Variants in LINGO2 observed in about 807,000 individuals in gnomAD.
LINGO2 encodes the protein leucine-rich repeat and immunoglobulin-like domain-containing nogo receptor-interacting protein 2.
A neutral mutation model predicts 30.6 loss-of-function variants in LINGO2; 14 were observed. The ratio of observed to expected loss-of-function variants is 0.46; its 90% CI spans 0.30 to 0.72. The LOEUF (loss-of-function observed/expected upper bound fraction) is 0.72. Among genes scored for constraint, LINGO2 ranks in the 30% least tolerant of loss-of-function variants. The pLI is 0.07. For missense variants in LINGO2, 729 were observed against 751.7 expected (o/e 0.97, Z 0.35); for synonymous variants, 317 against 288.5 (o/e 1.10, Z -1.00).
chr9:28,344,670 TA>T (rs1587502782), intron 3 of LINGO2, among the ~76,000 whole-genome samples: 1 of 152,078 alleles, frequency 6.6e-6, no homozygotes, highest in East Asian at 1.9e-4. Context: ...CATTCAATTT[TA>T]AAATATATAA....
the LINGO2 span, among the ~76,000 whole-genome samples, chr9:28,964,096 G>C: frequency 6.6e-6 from 1 of 150,928 alleles, no homozygotes; most frequent in Non-Finnish European, 1.5e-5. Flanking sequence ...ATACATATAT[G>C]TACACACACA....
chr9:28,195,882 G>A (rs572732488), intron 4 of LINGO2, among the ~76,000 whole-genome samples: 89 of 151,772 alleles, frequency 5.9e-4, no homozygotes, highest in African/African-American at 2.1e-3. Flanking sequence ...TTGTATCAAT[G>A]TAAAGGTTCT....
chr9:28,163,092 G>C (rs1024952788), intron 4 of LINGO2, among the ~76,000 whole-genome samples: 1 of 152,066 alleles, frequency 6.6e-6, no homozygotes, highest in South Asian at 2.1e-4. Context: ...GCTAGAGAAG[G>C]TTATATTCAT....
At chr9:29,009,068 G>C in the LINGO2 span, among the ~76,000 whole-genome samples, 2 of 152,136 alleles carry the variant, frequency 1.3e-5, no homozygotes. Context: ...CAAATCCACA[G>C]CCAGTATCAT....
chr9:28,241,445 C>CAT (rs1208647147), intron 4 of LINGO2, among the ~76,000 whole-genome samples: 5 of 152,088 alleles, frequency 3.3e-5, no homozygotes, highest in Non-Finnish European at 7.4e-5. Flanking sequence ...TTAGGACTGA[C>CAT]TAGGCGGCAG....
the LINGO2 span, among the ~76,000 whole-genome samples, chr9:29,010,044 TAC>T: frequency 6.6e-6 from 1 of 152,046 alleles, no homozygotes; most frequent in Non-Finnish European, 1.5e-5. Flanking sequence ...ATGGATTAAA[TAC>T]TTAAATGTTA....
chr9:28,718,277 G>A, the LINGO2 span, among the ~76,000 whole-genome samples: 2 of 151,932 alleles, frequency 1.3e-5, no homozygotes, highest in Admixed American at 6.6e-5. Context: ...TTTGTGAACA[G>A]AGTTCAGATA....
intron 4 of LINGO2, among the ~76,000 whole-genome samples, chr9:28,275,772 C>G (rs569095925): frequency 6.6e-6 from 1 of 152,108 alleles, no homozygotes; most frequent in African/African-American, 2.4e-5. Flanking sequence ...AGTTAGAGAT[C>G]GACCTTTAAT....
chr9:28,362,399 A>AAGATTGAGTAAC lies in LINGO2; in HGVS notation c.-246+10425_-246+10436dup. 1.3e-5 allele frequency among the ~76,000 whole-genome samples: 2 copies of AAGATTGAGTAAC among 152,220 alleles called. 1 individual carries two copies. Among genetic ancestry groups the AAGATTGAGTAAC allele is most frequent in the Non-Finnish European group, 2.9e-5 (2 of 68,048 alleles). Reference sequence around the variant, plus strand: ...TACAATTATAGATAAACCAAGAACAAAGATTGAGTAACAGAAGAATCAAAA... The same window carrying AAGATTGAGTAAC: ...TACAATTATAGATAAACCAAGAACAAAGATTGAGTAACAGATTGAGTAACAGAAGAATCAAAA... On this transcript the variant is annotated intron_variant, in intron 3 of 5. Coordinates refer to ENST00000379992, the Ensembl canonical transcript of LINGO2.
At chr9:28,795,668 G>A in the LINGO2 span, among the ~76,000 whole-genome samples, 6,291 of 151,900 alleles carry the variant, frequency 0.041, 194 homozygotes, top group Admixed American at 0.081. Context: ...TAAAGACTGT[G>A]CATCCATATT....
At chr9:28,446,396 C>G (rs1265118840) in intron 2 of LINGO2, among the ~76,000 whole-genome samples, 1 of 152,182 alleles carries the variant, frequency 6.6e-6, no homozygotes, top group Non-Finnish European at 1.5e-5. Flanking sequence ...TTCAGAGGAG[C>G]ATACTGCTAA....
At chr9:28,733,464 A>T in the LINGO2 span, among the ~76,000 whole-genome samples, 14 of 152,156 alleles carry the variant, frequency 9.2e-5, no homozygotes, top group Admixed American at 5.2e-4. Context: ...ACTTATGGAC[A>T]TCTGGTGAGT....
At chr9:29,059,304 A>C in the LINGO2 span, among the ~76,000 whole-genome samples, 1 of 151,768 alleles carries the variant, frequency 6.6e-6, no homozygotes, top group East Asian at 1.9e-4. Context: ...AAAGAACCCA[A>C]CAGCATAAAA....
the LINGO2 span, among the ~76,000 whole-genome samples, chr9:28,909,597 T>A: frequency 6.6e-6 from 1 of 152,140 alleles, no homozygotes; most frequent in South Asian, 2.1e-4. Context: ...TAAACGTATG[T>A]CAATGTCTTG....
chr9:28,279,426 T>G (rs1823241458), intron 4 of LINGO2, among the ~76,000 whole-genome samples: 1 of 152,158 alleles, frequency 6.6e-6, no homozygotes, highest in East Asian at 1.9e-4. Context: ...GTTTTCTTAT[T>G]TCTAAAAATT....
the LINGO2 span, among the ~76,000 whole-genome samples, chr9:29,031,651 CT>C: frequency 1.3e-5 from 2 of 152,060 alleles, no homozygotes; most frequent in African/African-American, 4.8e-5. Flanking sequence ...ATGTCAGATC[CT>C]AACTTTCTTT....
intron 2 of LINGO2, among the ~76,000 whole-genome samples, chr9:28,400,893 A>G (rs1371706079): frequency 6.6e-6 from 1 of 152,170 alleles, no homozygotes; most frequent in Non-Finnish European, 1.5e-5. Flanking sequence ...AAATAATTGG[A>G]AAGATATATT....
chr9:28,875,587 C>T, the LINGO2 span, among the ~76,000 whole-genome samples: 5 of 152,008 alleles, frequency 3.3e-5, no homozygotes, highest in Admixed American at 2.6e-4. Flanking sequence ...TATTGGCATG[C>T]CCTTTATTAC....
At chr9:28,349,906 A>G (rs1234293795) in intron 3 of LINGO2, among the ~76,000 whole-genome samples, 2 of 152,306 alleles carry the variant, frequency 1.3e-5, no homozygotes, top group South Asian at 2.1e-4. Flanking sequence ...ACTAAGCTTC[A>G]TAAGTGAAGG....
Sources: allele counts gnomAD v4.1 joint callset (sites outside exome capture counted in the v4.1 genomes callset), GRCh38; gene constraint gnomAD v4.1.1; transcripts MANE v1.5; gene names NCBI Gene and HGNC (gene_info 2026-07-23, HGNC 2026-07-21).